Variants in CCDC169 observed in about 807,000 individuals in gnomAD.
CCDC169 encodes the protein coiled-coil domain-containing protein 169.
In CCDC169, 30 loss-of-function variants were observed where a neutral mutation model predicts 36.0. The observed-to-expected ratio is 0.83, with a 90% CI of 0.62 to 1.13. The LOEUF (loss-of-function observed/expected upper bound fraction) is 1.13, where lower values mean the gene tolerates loss of function less well. Among genes scored for constraint, CCDC169 ranks in the 50% most tolerant of loss-of-function variants. CCDC169 has a pLI of 0.00. For missense variants in CCDC169, 245 were observed against 245.9 expected (o/e 1.00, Z 0.03); for synonymous variants, 85 against 81.5 (o/e 1.04, Z -0.23).
chr13:36,287,516 T>C (rs1878396855), intron 2 of CCDC169, among the ~76,000 whole-genome samples: 1 of 152,204 alleles, frequency 6.6e-6, no homozygotes. Flanking sequence ...TATTGGTTAT[T>C]TCTTTGTGCA....
intron 4 of CCDC169, among the ~76,000 whole-genome samples, chr13:36,272,961 T>C (rs1034693198): frequency 2.0e-5 from 3 of 152,192 alleles, no homozygotes; most frequent in African/African-American, 7.2e-5. Flanking sequence ...CCTTCTTCCA[T>C]ACCTGCCAAG....
chr13:36,268,584 C>T (rs1875632246), intron 4 of CCDC169, among the ~76,000 whole-genome samples: 1 of 151,932 alleles, frequency 6.6e-6, no homozygotes. Context: ...AACAACAAAC[C>T]AAACCCAAAG....
chr13:36,254,277 T>A, intron 4 of CCDC169, 134 bp from the exon 5 acceptor site: 16 of 361,816 alleles, frequency 4.4e-5, no homozygotes, highest in Non-Finnish European at 5.4e-5. Context: ...GATATGTACT[T>A]TTTTTTTTTT....
chr13:36,295,889 T>G, intron 1 of CCDC169, 32 bp from the exon 2 acceptor site: 2 of 1,276,544 alleles, frequency 1.6e-6, no homozygotes, highest in Non-Finnish European at 2.2e-6. Context: ...TTGATTATAA[T>G]TCAATTAAAA....
At chr13:36,240,068 A>G (rs1871595097) in intron 7 of CCDC169, among the ~76,000 whole-genome samples, 1 of 152,128 alleles carries the variant, frequency 6.6e-6, no homozygotes, top group African/African-American at 2.4e-5. Flanking sequence ...GTGCAGTACT[A>G]TCCATGGTTT....
chr13:36,230,362 A>T (rs1467431916), downstream of CCDC169, among the ~76,000 whole-genome samples: 1 of 152,230 alleles, frequency 6.6e-6, no homozygotes, highest in African/African-American at 2.4e-5. Context: ...ACCATGAATG[A>T]GAGGATTCAA....
rs373711871 is a variant in CCDC169, at chr13:36,273,999, A to C, written c.315+9470T>G. On this transcript the variant is annotated intron_variant, in intron 4 of 7. Coordinates refer to ENST00000239859, the MANE Select transcript of CCDC169 (RefSeq NM_001144981.3). ...TGCAGTTAGCCTCAGCATTGCCCCC[A>C]CACACAGTTACAGCTGGTGTGGCCC... Among the ~76,000 whole-genome samples, 89 of 152,232 alleles carry C rather than the reference A, an allele frequency of 5.8e-4. 1 individual carries two copies. Among genetic ancestry groups the C allele is most frequent in the East Asian group, 3.9e-3 (20 of 5,182 alleles).
rs542867949 is a variant in CCDC169, at chr13:36,230,776, G to T, written c.*417C>A. ...AAAACTTAAAATGGACTTGATTTTC[G>T]GCTTTGTTTAAACCTGCAATTTAAA... is the stretch of plus-strand genomic sequence containing the variant. On this transcript the variant is annotated 3_prime_UTR_variant, in exon 8 of 8. Coordinates refer to ENST00000239859, the MANE Select transcript of CCDC169 (RefSeq NM_001144981.3). The T allele has an allele frequency of 1.0e-5, 10 of 986,252 alleles. No homozygotes were observed. The highest frequency in any genetic ancestry group is 1.1e-5 in the Non-Finnish European group (9 of 830,768). The allele number at this position is 986,252 out of a possible 1,614,324, so 61.1% of individuals were successfully genotyped here.
intron 2 of CCDC169, among the ~76,000 whole-genome samples, chr13:36,289,554 G>A (rs1355964633): frequency 6.6e-6 from 1 of 152,160 alleles, no homozygotes; most frequent in African/African-American, 2.4e-5. Flanking sequence ...TTTTCATCAG[G>A]TTTAACTTCC....
At chr13:36,275,137 G>C (rs561703059) in intron 4 of CCDC169, among the ~76,000 whole-genome samples, 1 of 152,012 alleles carries the variant, frequency 6.6e-6, no homozygotes, top group African/African-American at 2.4e-5. Context: ...AAAGTGCTGG[G>C]ATTACAGGCG....
chr13:36,265,842 G>A (rs1443642549), intron 4 of CCDC169, among the ~76,000 whole-genome samples: 1 of 152,152 alleles, frequency 6.6e-6, no homozygotes, highest in African/African-American at 2.4e-5. Flanking sequence ...GCAGGGGTAG[G>A]GGAGTCTGTG....
chr13:36,286,201 C>CT (rs1232685201), intron 2 of CCDC169, among the ~76,000 whole-genome samples: 3 of 152,146 alleles, frequency 2.0e-5, no homozygotes, highest in Non-Finnish European at 1.5e-5. Context: ...TGCCAAGACT[C>CT]TTTTGTCTTA....
chr13:36,295,623 A>G (rs1471841039), intron 2 of CCDC169, among the ~76,000 whole-genome samples, 155 bp downstream of exon 2: 1 of 152,210 alleles, frequency 6.6e-6, no homozygotes, highest in African/African-American at 2.4e-5. Flanking sequence ...TCAGTTTTAA[A>G]GCCTCTATCA....
intron 1 of CCDC169, among the ~76,000 whole-genome samples, chr13:36,296,692 T>C (rs557623975): frequency 8.2e-4 from 125 of 152,340 alleles, no homozygotes; most frequent in Middle Eastern, 6.8e-3. Context: ...CAGTGAACAG[T>C]GAACAGAAAA....
At chr13:36,243,090 G>A (rs1177131290) in intron 7 of CCDC169, among the ~76,000 whole-genome samples, 4 of 152,210 alleles carry the variant, frequency 2.6e-5, no homozygotes, top group Non-Finnish European at 5.9e-5. Context: ...CCATACTTGA[G>A]TCATGGATAA....
intron 2 of CCDC169, among the ~76,000 whole-genome samples, chr13:36,292,197 T>C (rs1483030458): frequency 6.6e-6 from 1 of 152,280 alleles, no homozygotes. Context: ...TTTCACCATG[T>C]TGGCCAGGCT....
At chr13:36,234,304 T>C (rs904558130) in intron 7 of CCDC169, among the ~76,000 whole-genome samples, 4 of 152,120 alleles carry the variant, frequency 2.6e-5, no homozygotes, top group Non-Finnish European at 4.4e-5. Flanking sequence ...GAAGAGCCTA[T>C]GGCGGCCCCC....
intron 4 of CCDC169, among the ~76,000 whole-genome samples, chr13:36,269,077 C>G (rs982106693): frequency 1.3e-5 from 2 of 151,304 alleles, no homozygotes; most frequent in South Asian, 4.2e-4. Flanking sequence ...GCACTCCAGC[C>G]GGGGTGAGAG....
intron 2 of CCDC169, among the ~76,000 whole-genome samples, chr13:36,292,454 T>C (rs1879021358): frequency 6.6e-6 from 1 of 152,234 alleles, no homozygotes. Context: ...CATTTTCTTA[T>C]TACTAAACTT....
Sources: allele counts gnomAD v4.1 joint callset (sites outside exome capture counted in the v4.1 genomes callset), GRCh38; gene constraint gnomAD v4.1.1; transcripts MANE v1.5; gene names NCBI Gene and HGNC (gene_info 2026-07-23, HGNC 2026-07-21).